TNIK: variants seen among roughly 807,000 people sequenced by gnomAD.
The protein encoded by TNIK is TRAF2 and NCK interacting kinase.
Under a neutral mutation model 191.3 loss-of-function variants are expected in TNIK, and 49 were observed. The observed-to-expected ratio is 0.26, with a 90% CI of 0.20 to 0.32. TNIK has a LOEUF of 0.32. Among genes scored for constraint, TNIK ranks in the 10% least tolerant of loss-of-function variants. TNIK has a pLI of 1.00. For synonymous variants in TNIK, 594 were observed against 600.9 expected (o/e 0.99, Z 0.17); for missense variants, 1,155 against 1,702.3 (o/e 0.68, Z 5.66).
chr3:171,212,277 T>C (rs754631434), intron 3 of TNIK, among the ~76,000 whole-genome samples: 7 of 152,100 alleles, frequency 4.6e-5, no homozygotes, highest in Non-Finnish European at 8.8e-5. Context: ...CCACCTCTTC[T>C]TCACATAAGC....
rs1280473794 is a variant in TNIK, at chr3:171,062,800, T to C, written c.*1081A>G. 6.6e-6 allele frequency: 1 copy of C among 152,186 alleles called. No individual in the cohort carries two copies. The highest frequency in any genetic ancestry group is 1.5e-5 in the Non-Finnish European group (1 of 68,048). The allele number at this position is 152,186 out of a possible 1,614,324, so 9.4% of individuals were successfully genotyped here. On this transcript the variant is annotated 3_prime_UTR_variant, in exon 33 of 33. Transcript: ENST00000436636. ...TTAATTTTTTCAGTCACAGTTTTCA[T>C]CTTGAGAAAGTGGCACCCTCGGGAG...
intron 2 of TNIK, among the ~76,000 whole-genome samples, chr3:171,237,750 C>T (rs946850186): frequency 4.6e-5 from 7 of 151,984 alleles, no homozygotes; most frequent in Non-Finnish European, 5.9e-5. Context: ...AGTGAGACCC[C>T]GTCTCTATAA....
intron 9 of TNIK, among the ~76,000 whole-genome samples, chr3:171,173,395 CA>C (rs57114753): frequency 0.6 from 72,551 of 120,468 alleles, 20,243 homozygotes; most frequent in East Asian, 0.85. Flanking sequence ...GACTCCGTCT[CA>C]AAAAAAAAAA....
At chr3:171,259,219 CAG>C (rs1286904459) in intron 2 of TNIK, among the ~76,000 whole-genome samples, 1 of 152,132 alleles carries the variant, frequency 6.6e-6, no homozygotes, top group Non-Finnish European at 1.5e-5. Flanking sequence ...TACATTCAGG[CAG>C]AGTGTTGACA....
At position 171,366,519 on chromosome 3, in the gene TNIK, A is replaced by G. The variant is rs555633027; in HGVS notation, c.123+3101T>C. ...CCTACATATACTTTTTATTTATTAT[A>G]TTAAGTATGTTTCTTTAAAACTACC... On this transcript the variant is annotated intron_variant, in intron 2 of 32. Transcript: ENST00000436636. The surrounding 1 kb of genome is among the most constrained non-coding windows in gnomAD (Gnocchi z 4.1). 1.1e-4 allele frequency among the ~76,000 whole-genome samples: 17 copies of G among 152,268 alleles called. No homozygotes were observed. Among genetic ancestry groups the G allele is most frequent in the Middle Eastern group, 3.4e-3 (1 of 294 alleles).
Position 171,207,984 on chromosome 3 carries a change from C to T in TNIK, c.306+3132G>A, listed in dbSNP as rs950961769. Reference sequence around the variant, plus strand: ...TCTTTTATGAGGAGCAAGAACAGCCCGGTGGTAGCAATAACAAAAGCAGCA... The same window carrying T: ...TCTTTTATGAGGAGCAAGAACAGCCTGGTGGTAGCAATAACAAAAGCAGCA... On this transcript the variant is annotated intron_variant, in intron 4 of 32. Transcript: ENST00000436636. 7.2e-5 allele frequency among the ~76,000 whole-genome samples: 11 copies of T among 152,132 alleles called. No individual in the cohort carries two copies. The East Asian group carries it at 1.5e-3, about 21-fold the overall frequency.
intron 2 of TNIK, among the ~76,000 whole-genome samples, chr3:171,238,566 G>A (rs956971174): frequency 6.6e-6 from 1 of 152,056 alleles, no homozygotes; most frequent in African/African-American, 2.4e-5. Flanking sequence ...AGTGGGTAGA[G>A]GTCAGGGATG....
At position 171,211,036 on chromosome 3, in the gene TNIK, G is replaced by T; in HGVS notation, c.306+80C>A. ...TTAAAGAAGGAGTTAATCAAATTTT[G>T]TCATGAGGATAGAAAAATGAACCAT... On this transcript the variant is annotated intron_variant, in intron 4 of 32. Transcript: ENST00000436636. The T allele has an allele frequency of 2.0e-6, 3 of 1,501,068 alleles. No individual in the cohort carries two copies. The South Asian group carries it at 3.7e-5, about 19-fold the overall frequency. The allele number at this position is 1,501,068 out of a possible 1,614,324, so 93.0% of individuals were successfully genotyped here.
chr3:171,347,562 ATTTTC>A, intron 2 of TNIK, among the ~76,000 whole-genome samples: 1 of 152,258 alleles, frequency 6.6e-6, no homozygotes. Context: ...ACTCATTAGG[ATTTTC>A]TTTTCAAGAG....
rs560236068 is a variant in TNIK at position 171,159,379 on chromosome 3, A to G, written c.1017-1715T>C. Among the ~76,000 whole-genome samples the G allele has an allele frequency of 2.2e-5, 3 of 139,474 alleles. No individual in the cohort carries two copies. Among genetic ancestry groups the G allele is most frequent in the Admixed American group, 7.6e-5 (1 of 13,158 alleles). 91.5% of individuals were successfully genotyped at this position (139,474 alleles called of 152,430 possible). On this transcript the variant is annotated intron_variant, in intron 11 of 32. Coordinates refer to ENST00000436636, the MANE Select transcript of TNIK (RefSeq NM_015028.4). The surrounding 1 kb of genome is among the most constrained non-coding windows in gnomAD (Gnocchi z 4.1). ...AAGTTTCGTGGCAGTTAACAAGAGG[A>G]CCAAGGATCGGTTTTGGAGAGTAGT...
rs1722063858 is a variant in TNIK, at chr3:171,091,600, G to T, written c.2721+2239C>A. On this transcript the variant is annotated intron_variant, in intron 23 of 32. Coordinates refer to ENST00000436636, the MANE Select transcript of TNIK (RefSeq NM_015028.4). ...TCTACTAAAATACAAAAATTTAGCT[G>T]GGCGTGCACCCGTAGTCTCAGCTAC... Among the ~76,000 whole-genome samples, 5 of 151,930 alleles carry T rather than the reference G, an allele frequency of 3.3e-5. No individual in the cohort carries two copies. In the South Asian group the frequency reaches 1.0e-3, roughly 32 times the overall value.
intron 1 of TNIK, among the ~76,000 whole-genome samples, chr3:171,440,617 G>A (rs1375877434): frequency 6.6e-6 from 1 of 152,214 alleles, no homozygotes; most frequent in Non-Finnish European, 1.5e-5. Flanking sequence ...TTTAGCCTAT[G>A]CTGTAAGTCA....
intron 2 of TNIK, among the ~76,000 whole-genome samples, chr3:171,313,619 T>C: frequency 6.6e-6 from 1 of 152,266 alleles, no homozygotes; most frequent in East Asian, 1.9e-4. Context: ...TTATGATTTT[T>C]TTAAAAATTA....
chr3:171,202,868 C>A lies in TNIK; in HGVS notation c.307-8233G>T, dbSNP rs145134029. Among the ~76,000 whole-genome samples the A allele has an allele frequency of 2.1e-3, 317 of 152,292 alleles. 1 individual carries two copies. The highest frequency in any genetic ancestry group is 3.9e-3 in the Non-Finnish European group (268 of 68,012). On this transcript the variant is annotated intron_variant, in intron 4 of 32. Transcript: ENST00000436636. ...TAGGCATATCTATATTTGCCAAATT[C>A]AACCTTTTAAAAATTTCTGCTCACA...
chr3:171,214,122 T>C (rs906056022), intron 3 of TNIK, among the ~76,000 whole-genome samples: 3 of 151,962 alleles, frequency 2.0e-5, no homozygotes, highest in African/African-American at 4.8e-5. Flanking sequence ...TAAGTCAGCA[T>C]GCAATTTAGC....
At chr3:171,301,966 T>C (rs1402479111) in intron 2 of TNIK, among the ~76,000 whole-genome samples, 2 of 152,210 alleles carry the variant, frequency 1.3e-5, no homozygotes, top group Non-Finnish European at 2.9e-5. Flanking sequence ...CACATACATA[T>C]ACATACGTAT....
At chr3:171,197,917 A>G (rs1296174902) in intron 4 of TNIK, among the ~76,000 whole-genome samples, 2 of 152,248 alleles carry the variant, frequency 1.3e-5, no homozygotes, top group Non-Finnish European at 2.9e-5. Context: ...TTCTAGAAGT[A>G]TACTCAAAAG....
chr3:171,392,580 GACC>G (rs1199283010), intron 1 of TNIK, among the ~76,000 whole-genome samples: 1 of 151,956 alleles, frequency 6.6e-6, no homozygotes, highest in Non-Finnish European at 1.5e-5. Flanking sequence ...AGGAGTTCGT[GACC>G]AGCCTGGCCA....
chr3:171,122,119 G>A (rs1727833768), intron 18 of TNIK, among the ~76,000 whole-genome samples: 1 of 152,180 alleles, frequency 6.6e-6, no homozygotes, highest in African/African-American at 2.4e-5. Context: ...CACTTCAGAG[G>A]GAATGGAAAT....
Sources: gnomAD v4.1 joint callset for allele counts (sites outside exome capture counted in the v4.1 genomes callset) on GRCh38, gnomAD v4.1.1 for gene constraint, Gnocchi (gnomAD v3.1) non-coding constraint, MANE v1.5 for transcripts, NCBI Gene and HGNC (gene_info 2026-07-23, HGNC 2026-07-21) for gene names.